OPRM1: variants seen among roughly 807,000 people sequenced by gnomAD.
OPRM1 encodes opioid receptor mu 1, also known as mu-type opioid receptor.
Under a neutral mutation model 31.8 loss-of-function variants are expected in OPRM1, and 27 were observed. That is an observed-to-expected ratio of 0.85 (90% CI 0.63 to 1.17). The LOEUF (loss-of-function observed/expected upper bound fraction) is 1.17. OPRM1 is among the 50% of genes most tolerant of loss of function. OPRM1 has a pLI of 0.00. For missense variants in OPRM1, 536 were observed against 511.1 expected, an observed-to-expected ratio of 1.05 and a Z score of -0.47; for synonymous variants, 196 against 189.9, an observed-to-expected ratio of 1.03 and a Z score of -0.26.
chr6:154,192,194 T>C (rs1801949376), intron 3 of OPRM1, among the ~76,000 whole-genome samples: 2 of 152,316 alleles, frequency 1.3e-5, no homozygotes, highest in South Asian at 4.1e-4. Context: ...CAAATTGCTT[T>C]CTAAATTGGT....
chr6:154,107,824 G>A (rs372852619), intron 3 of OPRM1: 10 of 717,376 alleles, frequency 1.4e-5, no homozygotes, highest in African/African-American at 3.5e-5. Context: ...TTCCAAGCCC[G>A]TGTTTTATCC....
chr6:154,172,833 C>G (rs1799985819), intron 3 of OPRM1, among the ~76,000 whole-genome samples: 3 of 152,244 alleles, frequency 2.0e-5, no homozygotes, highest in African/African-American at 2.4e-5. Context: ...CATTCGATCT[C>G]TGATAACGGA....
intron 3 of OPRM1, among the ~76,000 whole-genome samples, chr6:154,222,579 G>A (rs1044123314): frequency 3.3e-5 from 5 of 152,180 alleles, no homozygotes; most frequent in Non-Finnish European, 7.4e-5. Context: ...CAGCCAGCCC[G>A]CTCATGAGAT....
At chr6:154,162,100 G>T (rs984052850) in intron 3 of OPRM1, among the ~76,000 whole-genome samples, 1 of 152,138 alleles carries the variant, frequency 6.6e-6, no homozygotes, top group African/African-American at 2.4e-5. Context: ...GCTGCCTTCT[G>T]CCCTGTTCAC....
downstream of OPRM1, among the ~76,000 whole-genome samples, chr6:154,134,509 G>A (rs1798007136): frequency 6.6e-6 from 1 of 152,132 alleles, no homozygotes; most frequent in Non-Finnish European, 1.5e-5. Flanking sequence ...CACCCACCCT[G>A]CATCTCACAT....
intron 3 of OPRM1, among the ~76,000 whole-genome samples, chr6:154,200,523 C>G (rs768676487): frequency 6.4e-4 from 98 of 152,198 alleles, no homozygotes; most frequent in Non-Finnish European, 7.5e-4. Context: ...GAGTTTGAGA[C>G]CAGCCGGGCC....
Position 154,127,640 on chromosome 6 carries a change from A to G in OPRM1, c.*8919A>G, listed in dbSNP as rs551471267. 3.3e-5 allele frequency among the ~76,000 whole-genome samples: 5 copies of G among 152,290 alleles called. No individual in the cohort carries two copies. The highest frequency in any genetic ancestry group is 9.6e-5 in the African/African-American group (4 of 41,570). On this transcript the variant is annotated 3_prime_UTR_variant, in exon 4 of 4. Transcript: ENST00000330432. ...CCTCCCCACCCCTCGCTTTCACTAA[A>G]TAACAACTCTCTTCTCTCCATCATT...
At chr6:154,047,609 G>A (rs1187969317) in intron 1 of OPRM1, among the ~76,000 whole-genome samples, 1 of 152,206 alleles carries the variant, frequency 6.6e-6, no homozygotes, top group Non-Finnish European at 1.5e-5. Context: ...TAAACCAATG[G>A]ATAGGGCTTT....
intron 3 of OPRM1, among the ~76,000 whole-genome samples, chr6:154,161,595 C>T (rs1423709053): frequency 2.0e-5 from 3 of 152,170 alleles, no homozygotes; most frequent in Non-Finnish European, 2.9e-5. Context: ...CAAAATTGGA[C>T]TGATAAGCTT....
At chr6:154,085,181 A>G (rs73790422) in intron 1 of OPRM1, among the ~76,000 whole-genome samples, 2,023 of 152,366 alleles carry the variant, frequency 0.013, 53 homozygotes, top group African/African-American at 0.047. Flanking sequence ...ATGTGTGAAG[A>G]ATAGGTCAAA....
intron 1 of OPRM1, among the ~76,000 whole-genome samples, chr6:154,013,926 T>C (rs1274678279): frequency 6.6e-6 from 1 of 152,070 alleles, no homozygotes; most frequent in Non-Finnish European, 1.5e-5. Flanking sequence ...AAGAAAGTCA[T>C]ATTGTTGATC....
intron 3 of OPRM1, among the ~76,000 whole-genome samples, chr6:154,143,583 T>C (rs1243824680): frequency 2.0e-5 from 3 of 152,218 alleles, no homozygotes; most frequent in Non-Finnish European, 4.4e-5. Flanking sequence ...ATAGATGCTA[T>C]GGTTTGAATG....
At chr6:154,010,608 G>A (rs1278009711) in exon 1 of OPRM1, 3 of 1,527,282 alleles carry the variant, frequency 2.0e-6, no homozygotes, top group Non-Finnish European at 2.7e-6. Context: ...AGTGTGATCT[G>A]TCACAATATT....
At chr6:154,167,278 T>C (rs1260293644) in intron 3 of OPRM1, among the ~76,000 whole-genome samples, 1 of 152,244 alleles carries the variant, frequency 6.6e-6, no homozygotes, top group Non-Finnish European at 1.5e-5. Flanking sequence ...AAGAACCATT[T>C]CAGCTCAGGG....
chr6:154,243,166 G>A (rs1780736985), intron 3 of OPRM1, among the ~76,000 whole-genome samples: 1 of 152,200 alleles, frequency 6.6e-6, no homozygotes, highest in South Asian at 2.1e-4. Flanking sequence ...GGGTAGGGCT[G>A]ACAAGTGTGA....
rs946503544 is a variant in OPRM1 at position 154,121,931 on chromosome 6, G to C, written c.*3210G>C. 2.6e-5 allele frequency among the ~76,000 whole-genome samples: 4 copies of C among 152,152 alleles called. No individual in the cohort carries two copies. Among genetic ancestry groups the C allele is most frequent in the African/African-American group, 9.7e-5 (4 of 41,434 alleles). On this transcript the variant is annotated 3_prime_UTR_variant, in exon 4 of 4. Transcript: ENST00000330432. ...ATGTGGAAATGATAAGATGCGTACT[G>C]CATCTCTCATATAATAAAGATAATC...
rs111461412 is a variant in OPRM1, at chr6:154,168,423, T to C, written c.1164+76951T>C. 2.0e-4 allele frequency among the ~76,000 whole-genome samples: 31 copies of C among 152,220 alleles called. 1 individual carries two copies. The highest frequency in any genetic ancestry group is 8.3e-4 in the South Asian group (4 of 4,812). Reference sequence around the variant, plus strand: ...TCACATGGGGTGTTCCCTGCATGCATGTCTCTGTGTCCAAACTCCCCCTAT... The same window carrying C: ...TCACATGGGGTGTTCCCTGCATGCACGTCTCTGTGTCCAAACTCCCCCTAT... On this transcript the variant is annotated intron_variant, in intron 3 of 3. Coordinates refer to the OPRM1 transcript ENST00000337049. This position sits in a 1 kb window ranked among gnomAD's most constrained non-coding sequence, Gnocchi z 4.1.
In OPRM1 at chr6:154,131,046, G is replaced by C. The variant is rs554726449; in HGVS notation, c.*12325G>C. 3.9e-5 allele frequency among the ~76,000 whole-genome samples: 6 copies of C among 152,172 alleles called. No individual in the cohort carries two copies. The South Asian group carries it at 1.2e-3, about 32-fold the overall frequency. ...TAGCAAATAGGAAAGTTAAAAAAAA[G>C]TAAGTCTAAAGATTAGGTGCTCTGT... On this transcript the variant is annotated 3_prime_UTR_variant, in exon 4 of 4. Coordinates refer to ENST00000330432, the MANE Select transcript of OPRM1 (RefSeq NM_000914.5).
At chr6:154,169,372 C>A (rs1321090172) in intron 3 of OPRM1, among the ~76,000 whole-genome samples, 4 of 152,058 alleles carry the variant, frequency 2.6e-5, no homozygotes, top group African/African-American at 9.7e-5. Context: ...CACACACACA[C>A]AAAATATCAT....
Sources: gnomAD v4.1 joint callset for allele counts (sites outside exome capture counted in the v4.1 genomes callset) on GRCh38, gnomAD v4.1.1 for gene constraint, Gnocchi (gnomAD v3.1) non-coding constraint, MANE v1.5 for transcripts, NCBI Gene and HGNC (gene_info 2026-07-23, HGNC 2026-07-21) for gene names.